The following CNTN6 variants were observed in gnomAD, a reference collection of about 807,000 sequenced individuals.
CNTN6 encodes contactin-6.
In CNTN6, 137 loss-of-function variants were observed where a neutral mutation model predicts 122.8. That is an observed-to-expected ratio of 1.12 (90% CI 0.97 to 1.29). CNTN6 has a LOEUF of 1.29. Ranked by LOEUF, CNTN6 falls within the 50% of genes most tolerant of loss-of-function variation. The probability of loss-of-function intolerance (pLI) is 0.00; values close to 1 mark genes in which losing one functional copy is unlikely to be tolerated. For missense variants in CNTN6, 1,634 were observed against 1,223.4 expected, an observed-to-expected ratio of 1.34 and a Z score of -5.01; for synonymous variants, 570 against 426.0, an observed-to-expected ratio of 1.34 and a Z score of -4.16.
chr3:1,158,853 C>CGT (rs2093047499), intron 2 of CNTN6, among the ~76,000 whole-genome samples: 4 of 70,654 alleles, frequency 5.7e-5, no homozygotes, highest in South Asian at 4.7e-4. Context: ...TATATACATA[C>CGT]ATATATATAC....
At chr3:1,158,052 G>T (rs548785418) in intron 2 of CNTN6, among the ~76,000 whole-genome samples, 3 of 152,252 alleles carry the variant, frequency 2.0e-5, no homozygotes, top group Admixed American at 2.0e-4. Context: ...CCTAGTTTTA[G>T]TCTTAGTTAC....
At chr3:1,244,657 G>C (rs1408852889) in intron 4 of CNTN6, among the ~76,000 whole-genome samples, 1 of 152,194 alleles carries the variant, frequency 6.6e-6, no homozygotes, top group Non-Finnish European at 1.5e-5. Context: ...CGCCAAACAG[G>C]CTTTGTGTGA....
intron 2 of CNTN6, among the ~76,000 whole-genome samples, chr3:1,150,243 TA>T (rs2092810565): frequency 6.6e-6 from 1 of 152,210 alleles, no homozygotes; most frequent in Non-Finnish European, 1.5e-5. Context: ...TGTCTGATGA[TA>T]GAGTTCTGTG....
intron 4 of CNTN6, among the ~76,000 whole-genome samples, chr3:1,274,441 G>C (rs992471990): frequency 6.6e-6 from 1 of 152,154 alleles, no homozygotes; most frequent in East Asian, 1.9e-4. Flanking sequence ...GAACGGGAAG[G>C]GGGTGTAGTT....
At chr3:1,380,269 C>T (rs538647340) in intron 17 of CNTN6, among the ~76,000 whole-genome samples, 1 of 152,170 alleles carries the variant, frequency 6.6e-6, no homozygotes, top group African/African-American at 2.4e-5. Context: ...TTTAGGCTCC[C>T]TGTGGTATAA....
intron 4 of CNTN6, among the ~76,000 whole-genome samples, chr3:1,228,691 C>T (rs2125555712): frequency 6.6e-6 from 1 of 152,278 alleles, no homozygotes. Flanking sequence ...GCATTTCTCC[C>T]TTTGCACCAA....
chr3:1,131,447 A>C (rs2130276), intron 1 of CNTN6, among the ~76,000 whole-genome samples: 1 of 151,940 alleles, frequency 6.6e-6, no homozygotes, highest in African/African-American at 2.4e-5. Flanking sequence ...TAATGGGAGT[A>C]TGAGTGTTCA....
At chr3:1,124,875 T>C (rs2092103299) in intron 1 of CNTN6, among the ~76,000 whole-genome samples, 1 of 151,928 alleles carries the variant, frequency 6.6e-6, no homozygotes, top group African/African-American at 2.4e-5. Context: ...CCATAGCACT[T>C]ATCAGAGTTT....
chr3:1,182,685 A>G (rs1048568181), intron 2 of CNTN6, among the ~76,000 whole-genome samples: 6 of 151,444 alleles, frequency 4.0e-5, no homozygotes, highest in Non-Finnish European at 7.4e-5. Flanking sequence ...CACACATTTC[A>G]TATGAGTAAA....
chr3:1,281,002 G>A (rs1322132175), intron 5 of CNTN6, among the ~76,000 whole-genome samples: 2 of 152,136 alleles, frequency 1.3e-5, no homozygotes, highest in African/African-American at 2.4e-5. Flanking sequence ...TCTTTAGTCA[G>A]GAAGAGCCCC....
At chr3:1,324,960 AAGG>A in intron 8 of CNTN6, among the ~76,000 whole-genome samples, 1 of 139,836 alleles carries the variant, frequency 7.2e-6, no homozygotes, top group African/African-American at 3.3e-5. Flanking sequence ...CTGAGAGTCC[AAGG>A]GAAGCGTCAT....
intron 1 of CNTN6, among the ~76,000 whole-genome samples, chr3:1,131,177 G>A (rs2092326272): frequency 6.6e-6 from 1 of 152,084 alleles, no homozygotes; most frequent in Non-Finnish European, 1.5e-5. Context: ...CAAATGGTAG[G>A]TCTGCAGGGC....
chr3:1,174,411 G>C (rs2093412530), intron 2 of CNTN6, among the ~76,000 whole-genome samples: 1 of 152,122 alleles, frequency 6.6e-6, no homozygotes, highest in African/African-American at 2.4e-5. Flanking sequence ...TTTTCAGATG[G>C]AATCTGAAAC....
chr3:1,170,176 G>A (rs1164272699), intron 2 of CNTN6, among the ~76,000 whole-genome samples: 2 of 139,602 alleles, frequency 1.4e-5, no homozygotes, highest in Non-Finnish European at 3.0e-5. Flanking sequence ...GGCAGAGGTT[G>A]CAGTGAGCTG....
chr3:1,198,356 A>G (rs918045127), intron 2 of CNTN6, among the ~76,000 whole-genome samples: 1 of 152,212 alleles, frequency 6.6e-6, no homozygotes, highest in Non-Finnish European at 1.5e-5. Context: ...AATAAAAAGA[A>G]TAGCTTTGAA....
At chr3:1,299,720 G>A (rs1696872525) in intron 7 of CNTN6, among the ~76,000 whole-genome samples, 1 of 152,128 alleles carries the variant, frequency 6.6e-6, no homozygotes, top group South Asian at 2.1e-4. Flanking sequence ...GAACTTCTAA[G>A]TAAATAGTAA....
intron 2 of CNTN6, among the ~76,000 whole-genome samples, chr3:1,178,284 TTC>T (rs2093488762): frequency 6.6e-6 from 1 of 152,036 alleles, no homozygotes; most frequent in South Asian, 2.1e-4. Flanking sequence ...TATTCACTCT[TTC>T]TCTCTTTGTG....
intron 16 of CNTN6, among the ~76,000 whole-genome samples, chr3:1,374,347 A>C (rs1188205308): frequency 6.6e-6 from 1 of 152,100 alleles, no homozygotes; most frequent in Non-Finnish European, 1.5e-5. Flanking sequence ...TTTCTAGTCA[A>C]AATTCATTAG....
At chr3:1,187,873 G>T (rs995174447) in intron 2 of CNTN6, among the ~76,000 whole-genome samples, 1 of 152,072 alleles carries the variant, frequency 6.6e-6, no homozygotes, top group Non-Finnish European at 1.5e-5. Context: ...CTGTATGGTT[G>T]GTTGGGCACC....
Sources: allele counts gnomAD v4.1 joint callset (sites outside exome capture counted in the v4.1 genomes callset), GRCh38; gene constraint gnomAD v4.1.1; transcripts MANE v1.5; gene names NCBI Gene and HGNC (gene_info 2026-07-23, HGNC 2026-07-21).